FGD6: variants seen among roughly 807,000 people sequenced by gnomAD.
FGD6 encodes the protein FYVE, RhoGEF and PH domain containing 6, also known as FYVE, RhoGEF and PH domain-containing protein 6.
In FGD6, 90 loss-of-function variants were observed where a neutral mutation model predicts 149.4. The ratio of observed to expected loss-of-function variants is 0.60; its 90% CI spans 0.51 to 0.72. The LOEUF is 0.72. FGD6 is among the 30% of genes least tolerant of loss of function. The pLI is 0.00. For missense variants in FGD6, 1,437 were observed against 1,684.8 expected (o/e 0.85, Z 2.57); for synonymous variants, 527 against 584.0 (o/e 0.90, Z 1.41).
In FGD6 at chr12:95,211,882, T is replaced by C. The variant is rs1056278517; in HGVS notation, c.17-615A>G. Among the ~76,000 whole-genome samples the C allele has an allele frequency of 2.6e-5, 4 of 152,180 alleles. No individual in the cohort carries two copies. The East Asian group carries it at 7.7e-4, about 29-fold the overall frequency. On this transcript the variant is annotated intron_variant, in intron 1 of 20. Transcript: ENST00000343958. ...AAAAAATGAGATAATTGACTTCAGT[T>C]TGGGACCCACATAGTTGTTCTTCAA...
intron 3 of FGD6, among the ~76,000 whole-genome samples, chr12:95,162,989 C>T (rs1277721399): frequency 6.6e-6 from 1 of 152,196 alleles, no homozygotes; most frequent in Non-Finnish European, 1.5e-5. Context: ...TACCCCACTG[C>T]AACCCCTTCT....
chr12:95,097,925 C>A (rs1878293900), intron 14 of FGD6, among the ~76,000 whole-genome samples: 1 of 152,098 alleles, frequency 6.6e-6, no homozygotes, highest in African/African-American at 2.4e-5. Flanking sequence ...ATGTAAGTAG[C>A]AGGGATGGCT....
At chr12:95,149,386 A>G (rs1001858960) in intron 5 of FGD6, among the ~76,000 whole-genome samples, 1 of 119,166 alleles carries the variant, frequency 8.4e-6, no homozygotes, top group South Asian at 2.3e-4. Context: ...TATTTTATAT[A>G]TATAGCATAT....
intron 8 of FGD6, among the ~76,000 whole-genome samples, chr12:95,117,782 G>A (rs1879063130): frequency 1.3e-5 from 2 of 152,052 alleles, no homozygotes; most frequent in Non-Finnish European, 1.5e-5. Context: ...AGTGGCTCAT[G>A]CCTGTAATTC....
intron 13 of FGD6, among the ~76,000 whole-genome samples, chr12:95,106,069 A>G (rs1369661413): frequency 6.6e-6 from 1 of 151,816 alleles, no homozygotes; most frequent in Non-Finnish European, 1.5e-5. Flanking sequence ...ACAGAAAAGT[A>G]AAGGATATAA....
intron 5 of FGD6, among the ~76,000 whole-genome samples, chr12:95,142,375 C>A (rs1879877373): frequency 6.6e-6 from 1 of 151,838 alleles, no homozygotes; most frequent in South Asian, 2.1e-4. Flanking sequence ...GAATTCCTGA[C>A]CTTCTGATTC....
At chr12:95,102,443 C>CAAAAAAAAAAAAA (rs55926317) in intron 14 of FGD6, among the ~76,000 whole-genome samples, 24 of 104,212 alleles carry the variant, frequency 2.3e-4, no homozygotes, top group Non-Finnish European at 3.4e-4. Flanking sequence ...GACCCTTTCT[C>CAAAAAAAAAAAAA]AAAAAAAAAA....
chr12:95,167,840 G>T (rs1880867459), intron 3 of FGD6, among the ~76,000 whole-genome samples: 1 of 152,066 alleles, frequency 6.6e-6, no homozygotes, highest in African/African-American at 2.4e-5. Context: ...CTCCCAAAGT[G>T]CTGGGATTAC....
At chr12:95,167,443 C>T (rs1436702591) in intron 3 of FGD6, among the ~76,000 whole-genome samples, 2 of 152,156 alleles carry the variant, frequency 1.3e-5, no homozygotes, top group Non-Finnish European at 2.9e-5. Flanking sequence ...TGGTACCTCA[C>T]TGAAGCATTG....
At chr12:95,184,880 G>A (rs1460367853) in intron 2 of FGD6, among the ~76,000 whole-genome samples, 1 of 138,744 alleles carries the variant, frequency 7.2e-6, no homozygotes, top group Non-Finnish European at 1.5e-5. Flanking sequence ...ACCACACTCA[G>A]CCTTTTTTTT....
intron 20 of FGD6, 104 bp downstream of exon 20, chr12:95,084,394 T>A: frequency 1.1e-6 from 1 of 941,628 alleles, no homozygotes; most frequent in Non-Finnish European, 1.5e-6. Flanking sequence ...ATCTCTGATG[T>A]AAATTTTGAG....
chr12:95,175,448 G>C (rs1441932122), intron 2 of FGD6, among the ~76,000 whole-genome samples: 1 of 152,066 alleles, frequency 6.6e-6, no homozygotes, highest in African/African-American at 2.4e-5. Context: ...ATGGATGTAA[G>C]AGGAAGAAAA....
intron 5 of FGD6, among the ~76,000 whole-genome samples, chr12:95,150,756 G>A (rs920044015): frequency 6.6e-6 from 1 of 151,928 alleles, no homozygotes; most frequent in Admixed American, 6.6e-5. Flanking sequence ...TTATAAGTGT[G>A]TGCTACCCAT....
At chr12:95,116,907 T>A in intron 8 of FGD6, 2 of 455,904 alleles carry the variant, frequency 4.4e-6, no homozygotes, top group Non-Finnish European at 8.8e-6. Flanking sequence ...AACTGCAGCA[T>A]AAGAATGTGA....
intron 12 of FGD6, 51 bp downstream of exon 12, chr12:95,107,512 T>A (rs768839233): frequency 3.2e-6 from 5 of 1,586,066 alleles, no homozygotes; most frequent in Middle Eastern, 3.3e-4. Context: ...CTCCTTTCCT[T>A]AAGCAACTAT....
intron 3 of FGD6, among the ~76,000 whole-genome samples, chr12:95,172,209 C>T (rs1238228949): frequency 6.6e-6 from 1 of 152,148 alleles, no homozygotes; most frequent in African/African-American, 2.4e-5. Context: ...AACCCCGTCT[C>T]TACTAAAAAC....
chr12:95,118,361 A>AGAG (rs1555218003), intron 8 of FGD6, among the ~76,000 whole-genome samples: 3 of 116,220 alleles, frequency 2.6e-5, no homozygotes, highest in African/African-American at 1.1e-4. Flanking sequence ...AAAAAAAAAA[A>AGAG]AGAAAGAGAG....
Position 95,139,566 on chromosome 12 carries a change from C to A in FGD6, c.2837+1822G>T, listed in dbSNP as rs1879783062. Among the ~76,000 whole-genome samples the A allele has an allele frequency of 1.3e-5, 2 of 151,704 alleles. 1 individual carries two copies. Among genetic ancestry groups the A allele is most frequent in the South Asian group, 4.1e-4 (2 of 4,822 alleles). The stretch of plus-strand genomic sequence containing the variant: ...GGCCAGGCTGGTCTCAAACTCCTGA[C>A]CTCAGCTTATCTGCCTGTCTCGGCC... On this transcript the variant is annotated intron_variant, in intron 6 of 20. Transcript: ENST00000343958.
At chr12:95,187,550 G>A (rs977053293) in intron 2 of FGD6, among the ~76,000 whole-genome samples, 2 of 151,848 alleles carry the variant, frequency 1.3e-5, no homozygotes, top group East Asian at 3.9e-4. Context: ...CTACTTGGGA[G>A]GCTGAGGCAG....
Sources: gnomAD v4.1 joint callset for allele counts (sites outside exome capture counted in the v4.1 genomes callset) on GRCh38, gnomAD v4.1.1 for gene constraint, MANE v1.5 for transcripts, NCBI Gene and HGNC (gene_info 2026-07-23, HGNC 2026-07-21) for gene names.